ECE1: variants seen among roughly 807,000 people sequenced by gnomAD.
The protein encoded by ECE1 is endothelin converting enzyme 1, also known as endothelin-converting enzyme 1.
ECE1 carries 35 observed loss-of-function variants against 98.6 expected under a neutral mutation model. The observed-to-expected ratio is 0.35, with a 90% CI of 0.27 to 0.47. ECE1 has a LOEUF of 0.47. Among genes scored for constraint, ECE1 ranks in the 20% least tolerant of loss-of-function variants. ECE1 has a pLI of 1.00. For missense variants in ECE1, 814 were observed against 1,025.3 expected (o/e 0.79, Z 2.81); for synonymous variants, 394 against 407.1 (o/e 0.97, Z 0.39).
In ECE1 at chr1:21,260,440, TG is replaced by T; in HGVS notation, c.494-49del. On this transcript the variant is annotated intron_variant, in intron 4 of 18. Transcript: ENST00000374893. The surrounding 1 kb of genome is among the most constrained non-coding windows in gnomAD (Gnocchi z 4.3). ...TTGCAATGCGGCCCCACTTGCCCAC[TG>T]GGTGGCTTTGGGGCAGTCCCTCTTT... 1 of 1,611,644 alleles carries T rather than the reference TG, an allele frequency of 6.2e-7. No individual in the cohort carries two copies. The highest frequency in any genetic ancestry group is 1.1e-5 in the South Asian group (1 of 91,040).
chr1:21,271,435 T>C (rs914717368), intron 4 of ECE1, among the ~76,000 whole-genome samples: 1 of 152,248 alleles, frequency 6.6e-6, no homozygotes, highest in Non-Finnish European at 1.5e-5. Context: ...GTATCTTCTA[T>C]TGTACCTGCC....
chr1:21,291,225 G>A (rs1390292125), upstream of ECE1, among the ~76,000 whole-genome samples: 3 of 152,152 alleles, frequency 2.0e-5, no homozygotes, highest in Non-Finnish European at 2.9e-5. Flanking sequence ...AGGGACTCAG[G>A]CCCAGCACTG....
intron 1 of ECE1, among the ~76,000 whole-genome samples, chr1:21,297,267 G>T (rs919273558): frequency 6.6e-6 from 1 of 152,170 alleles, no homozygotes; most frequent in Non-Finnish European, 1.5e-5. Context: ...AGTGCCTGCT[G>T]TGGAGGCCAC....
In ECE1 at chr1:21,253,566, T is replaced by G. The variant is rs373751880; in HGVS notation, c.1020+2381A>C. 3.1e-4 allele frequency among the ~76,000 whole-genome samples: 41 copies of G among 133,218 alleles called. No homozygotes were observed. In the East Asian group the frequency reaches 3.8e-3, roughly 12 times the overall value. The allele number at this position is 133,218 out of a possible 152,430, so 87.4% of individuals were successfully genotyped here. ...TCACGAAGACAGGAGATCGAGACCA[T>G]CCTGGCTAACACGGTGAAACCCGGT... On this transcript the variant is annotated intron_variant, in intron 8 of 18. Transcript: ENST00000374893.
chr1:21,234,448 A>G (rs1405996226), intron 13 of ECE1, among the ~76,000 whole-genome samples: 1 of 150,020 alleles, frequency 6.7e-6, no homozygotes, highest in Non-Finnish European at 1.5e-5. Flanking sequence ...ATCACTGTAC[A>G]CCCTTTTCAC....
chr1:21,247,420 G>A, intron 8 of ECE1, 57 bp from the exon 9 acceptor site: 2 of 1,612,876 alleles, frequency 1.2e-6, no homozygotes, highest in South Asian at 1.1e-5. Flanking sequence ...ACAGCCCAGG[G>A]CTCTAGGACG....
intron 1 of ECE1, among the ~76,000 whole-genome samples, chr1:21,303,121 G>A (rs1638523556): frequency 6.6e-6 from 1 of 152,206 alleles, no homozygotes; most frequent in Admixed American, 6.5e-5. Context: ...CTAAAACTGG[G>A]CTCCACCAAC....
intron 18 of ECE1, among the ~76,000 whole-genome samples, chr1:21,221,358 G>T (rs2098167266): frequency 6.6e-6 from 1 of 152,076 alleles, no homozygotes; most frequent in African/African-American, 2.4e-5. Flanking sequence ...TTTTCATAGA[G>T]ACAGGGTTTC....
At chr1:21,261,785 G>A (rs212531) in intron 4 of ECE1, among the ~76,000 whole-genome samples, 17,668 of 152,216 alleles carry the variant, frequency 0.12, 1,084 homozygotes, top group East Asian at 0.18. Flanking sequence ...GAGAAGAGGG[G>A]TCTCCAGAGG....
At chr1:21,278,380 C>T (rs2098250005) in intron 3 of ECE1, among the ~76,000 whole-genome samples, 3 of 152,236 alleles carry the variant, frequency 2.0e-5, no homozygotes, top group African/African-American at 7.2e-5. Flanking sequence ...ATTGTATCAC[C>T]ATTCAAAGTG....
chr1:21,225,181 C>G lies in ECE1; in HGVS notation c.2040+69G>C. 6.4e-7 allele frequency: 1 copy of G among 1,573,944 alleles called. No individual in the cohort carries two copies. The highest frequency in any genetic ancestry group is 8.7e-7 in the Non-Finnish European group (1 of 1,151,268). ...GCCTGCCCTGGTTGTCCGTGATGAT[C>G]CTCTACGGACAGGCATCTGGAAGGA... On this transcript the variant is annotated intron_variant, in intron 17 of 18. Transcript: ENST00000374893. The surrounding 1 kb of genome is among the most constrained non-coding windows in gnomAD (Gnocchi z 5.3).
At chr1:21,344,752 CG>C (rs1639464817) in intron 1 of ECE1, among the ~76,000 whole-genome samples, 1 of 152,196 alleles carries the variant, frequency 6.6e-6, no homozygotes. Flanking sequence ...CTGGGGAGAC[CG>C]GATCGCTGGG....
chr1:21,262,765 C>T (rs1283932338), intron 4 of ECE1, among the ~76,000 whole-genome samples: 1 of 152,262 alleles, frequency 6.6e-6, no homozygotes, highest in Non-Finnish European at 1.5e-5. Context: ...GACACAGCCT[C>T]CCTTGCTCCT....
Position 21,340,223 on chromosome 1 carries a change from C to T in ECE1, c.3+5153G>A, listed in dbSNP as rs547909692. On this transcript the variant is annotated intron_variant, in intron 1 of 18. Coordinates refer to the ECE1 transcript ENST00000415912. The surrounding 1 kb of genome is among the most constrained non-coding windows in gnomAD (Gnocchi z 4.6). ...TCTCCTCTATTAAAGGCTCTGGAGA[C>T]CAGGGCCCTCGGCTGGTTATCTGCC... Among the ~76,000 whole-genome samples the T allele has an allele frequency of 2.9e-3, 436 of 152,332 alleles. No homozygotes were observed. Among genetic ancestry groups the T allele is most frequent in the Non-Finnish European group, 5.0e-3 (341 of 68,036 alleles).
intron 1 of ECE1, among the ~76,000 whole-genome samples, chr1:21,336,784 AGTGAGCCGAGATCGCG>A (rs1477679301): frequency 6.6e-6 from 1 of 152,188 alleles, no homozygotes; most frequent in African/African-American, 2.4e-5. Context: ...TGGAGCTTGC[AGTGAGCCGAGATCGCG>A]CCACTGCACT....
chr1:21,327,032 G>A lies in ECE1; in HGVS notation c.3+18344C>T, dbSNP rs573027477. Among the ~76,000 whole-genome samples the A allele has an allele frequency of 6.6e-6, 1 of 152,190 alleles. No homozygotes were observed. The highest frequency in any genetic ancestry group is 2.4e-5 in the African/African-American group (1 of 41,438). On this transcript the variant is annotated intron_variant, in intron 1 of 18. Coordinates refer to the ECE1 transcript ENST00000415912. This position sits in a 1 kb window ranked among gnomAD's most constrained non-coding sequence, Gnocchi z 4.6. ...GCAGGGTCCTGAGGGCCCTGGTCTC[G>A]CTGGGGTCGCATAGGTCACATGGAA... is the stretch of plus-strand genomic sequence containing the variant.
At chr1:21,276,644 A>G (rs1334393295) in intron 3 of ECE1, among the ~76,000 whole-genome samples, 1 of 151,534 alleles carries the variant, frequency 6.6e-6, no homozygotes, top group Admixed American at 6.6e-5. Context: ...GTGTCCAGAC[A>G]TTCCCAGAGG....
chr1:21,250,738 T>A (rs1479291580), intron 8 of ECE1, among the ~76,000 whole-genome samples: 1 of 152,220 alleles, frequency 6.6e-6, no homozygotes, highest in Non-Finnish European at 1.5e-5. Flanking sequence ...CCGGGCGCGG[T>A]GGCTCACGCC....
chr1:21,229,533 A>G (rs779664351), intron 14 of ECE1, among the ~76,000 whole-genome samples: 23 of 152,188 alleles, frequency 1.5e-4, no homozygotes, highest in Admixed American at 9.8e-4. Flanking sequence ...CCTCAAGGAA[A>G]ACAACTCAAG....
Sources: gnomAD v4.1 joint callset for allele counts (sites outside exome capture counted in the v4.1 genomes callset) on GRCh38, gnomAD v4.1.1 for gene constraint, Gnocchi (gnomAD v3.1) non-coding constraint, MANE v1.5 for transcripts, NCBI Gene and HGNC (gene_info 2026-07-23, HGNC 2026-07-21) for gene names.